XPA: variants seen among roughly 807,000 people sequenced by gnomAD.
The protein encoded by XPA is XPA, DNA damage recognition and repair factor, also known as DNA repair protein complementing XP-A cells.
XPA carries 27 observed loss-of-function variants against 35.7 expected under a neutral mutation model. The ratio of observed to expected loss-of-function variants is 0.76; its 90% CI spans 0.56 to 1.04. XPA has a LOEUF of 1.04. XPA is among the 50% of genes least tolerant of loss of function. The probability of loss-of-function intolerance (pLI) is 0.00; values close to 1 mark genes in which losing one functional copy is unlikely to be tolerated. For synonymous variants in XPA, 133 were observed against 118.4 expected (o/e 1.12, Z -0.80); for missense variants, 354 against 342.7 (o/e 1.03, Z -0.26).
At chr9:97,666,695 A>G in the XPA span, 285,008 of 1,064,390 alleles carry the variant, frequency 0.27, 42,250 homozygotes, top group Non-Finnish European at 0.31. Flanking sequence ...AAATTACAAA[A>G]GTTGAAAGAT....
downstream of XPA, among the ~76,000 whole-genome samples, chr9:97,670,725 T>G (rs767281652): frequency 3.3e-5 from 5 of 152,332 alleles, no homozygotes; most frequent in Middle Eastern, 3.4e-3. Flanking sequence ...GTCTGGCTGC[T>G]TTTTAAAAAG....
intron 5 of XPA, among the ~76,000 whole-genome samples, chr9:97,677,236 T>A: frequency 6.6e-6 from 1 of 152,210 alleles, no homozygotes; most frequent in Admixed American, 6.5e-5. Flanking sequence ...AGTAAAAGTC[T>A]GTCTGTCTAG....
the XPA span, among the ~76,000 whole-genome samples, chr9:97,661,314 A>G: frequency 5.3e-5 from 8 of 152,326 alleles, no homozygotes; most frequent in Non-Finnish European, 1.2e-4. Context: ...GTTACCATTC[A>G]AGGATTTTTA....
chr9:97,685,249 C>T (rs143412116), intron 4 of XPA, among the ~76,000 whole-genome samples: 33 of 152,190 alleles, frequency 2.2e-4, no homozygotes, highest in Non-Finnish European at 3.4e-4. Context: ...TGTCAGTAAA[C>T]GTATGCTGAA....
the XPA span, among the ~76,000 whole-genome samples, chr9:97,659,848 G>T: frequency 6.6e-6 from 1 of 152,156 alleles, no homozygotes; most frequent in Non-Finnish European, 1.5e-5. Context: ...CATAACCATT[G>T]TTCCTACTTT....
At chr9:97,680,526 G>A (rs1050153622) in intron 5 of XPA, among the ~76,000 whole-genome samples, 1 of 152,116 alleles carries the variant, frequency 6.6e-6, no homozygotes, top group Non-Finnish European at 1.5e-5. Flanking sequence ...GCTCCCAGTC[G>A]AATGCCATTG....
chr9:97,693,733 T>A lies in XPA; in HGVS notation c.199A>T (p.Lys67Ter). ...AAGCCTCCTCCTGTGTCAATTATCT[T>A]TGGGGCTGCTTTTACATTAGCCATG... ...GGMANVKAAPKIIDTGGGFIL... is the reference protein window; with the variant it reads ...GGMANVKAAP The change falls in exon 2 of 6, where the codon AAG becomes TAG. Residue 67 changes from lysine (K) to a stop codon, truncating the protein, a stop_gained. Transcript: ENST00000375128. LOFTEE classifies it high-confidence loss of function. The A allele has an allele frequency of 1.9e-6, 3 of 1,613,312 alleles. No individual in the cohort carries two copies. Among genetic ancestry groups the A allele is most frequent in the Non-Finnish European group, 2.5e-6 (3 of 1,179,936 alleles).
At chr9:97,660,974 C>G in the XPA span, 1 of 1,612,264 alleles carries the variant, frequency 6.2e-7, no homozygotes, top group Admixed American at 1.7e-5. Flanking sequence ...CTGTTGCCCT[C>G]TGTTTAGCTG....
chr9:97,659,599 G>T, the XPA span, among the ~76,000 whole-genome samples: 2 of 152,198 alleles, frequency 1.3e-5, no homozygotes, highest in African/African-American at 4.8e-5. Flanking sequence ...CTTTTGAGTG[G>T]TGGAGCCCAA....
chr9:97,680,388 T>A lies in XPA; in HGVS notation c.673+4535A>T, dbSNP rs540647799. ...CATGCCCAGCTAATTTTTGTATTTG[T>A]AGTAGAGACAAGATTTCACCATGTT... is the stretch of plus-strand genomic sequence containing the variant. On this transcript the variant is annotated intron_variant, in intron 5 of 5. Coordinates refer to ENST00000375128, the MANE Select transcript of XPA (RefSeq NM_000380.4). 1.5e-3 allele frequency among the ~76,000 whole-genome samples: 234 copies of A among 152,240 alleles called. 1 individual carries two copies. Among genetic ancestry groups the A allele is most frequent in the African/African-American group, 5.5e-3 (227 of 41,554 alleles).
At chr9:97,683,614 A>G (rs1828613469) in intron 5 of XPA, among the ~76,000 whole-genome samples, 1 of 152,238 alleles carries the variant, frequency 6.6e-6, no homozygotes, top group Non-Finnish European at 1.5e-5. Context: ...TTAGGATAGA[A>G]AAGAACAGGA....
chr9:97,684,971 C>G lies in XPA; in HGVS notation c.625G>C (p.Glu209Gln). The part of the protein sequence containing the change: ...ALEEAKEVRQ[E>Q]NREKMKQKKF... ...TTCTGTTTCATTTTTTCTCGGTTTT[C>G]CTGTCGGACTTCCTTTGCTTCTTCT... The change falls in exon 5 of 6, where the codon GAA (glutamate) becomes CAA (glutamine). Residue 209 changes from glutamate (E) to glutamine (Q), a missense_variant. By Grantham distance (29) the Glu-to-Gln change is conservative. Coordinates refer to ENST00000375128, the MANE Select transcript of XPA (RefSeq NM_000380.4). The G allele has an allele frequency of 6.2e-7, 1 of 1,613,500 alleles. No individual in the cohort carries two copies. Among genetic ancestry groups the G allele is most frequent in the Non-Finnish European group, 8.5e-7 (1 of 1,179,714 alleles).
At chr9:97,660,141 T>A in the XPA span, among the ~76,000 whole-genome samples, 1 of 152,246 alleles carries the variant, frequency 6.6e-6, no homozygotes, top group Admixed American at 6.5e-5. Flanking sequence ...GATTCTGTTT[T>A]TCTTCGCCTT....
chr9:97,660,836 T>C, the XPA span: 1 of 1,274,662 alleles, frequency 7.8e-7, no homozygotes, highest in Non-Finnish European at 1.1e-6. Context: ...AAGAGCATCC[T>C]ATTTTGAAAG....
chr9:97,667,598 A>G, the XPA span, among the ~76,000 whole-genome samples: 1 of 152,208 alleles, frequency 6.6e-6, no homozygotes, highest in Admixed American at 6.5e-5. Flanking sequence ...GTTAAGTAAC[A>G]TAGCTAGTAG....
At chr9:97,693,561 G>T in intron 2 of XPA, 88 bp downstream of exon 2, 1 of 1,141,610 alleles carries the variant, frequency 8.8e-7, no homozygotes, top group Non-Finnish European at 1.3e-6. Flanking sequence ...AAGTAGTTAT[G>T]GCATTATTTA....
At chr9:97,680,507 T>C (rs1828506697) in intron 5 of XPA, among the ~76,000 whole-genome samples, 1 of 152,194 alleles carries the variant, frequency 6.6e-6, no homozygotes, top group Admixed American at 6.5e-5. Context: ...ATTACAGGCA[T>C]AAGCCACTGC....
chr9:97,665,528 C>G, the XPA span, among the ~76,000 whole-genome samples: 1 of 152,200 alleles, frequency 6.6e-6, no homozygotes, highest in African/African-American at 2.4e-5. Context: ...TAACACCTAG[C>G]TCAAATATTT....
downstream of XPA, chr9:97,673,332 A>G (rs1828253938): frequency 6.6e-6 from 1 of 152,178 alleles, no homozygotes; most frequent in Non-Finnish European, 1.5e-5. Context: ...TCCTGTCTCA[A>G]AAAACCAAAG....
Sources: gnomAD v4.1 joint callset for allele counts (sites outside exome capture counted in the v4.1 genomes callset) on GRCh38, gnomAD v4.1.1 for gene constraint, MANE v1.5 for transcripts, NCBI Gene and HGNC (gene_info 2026-07-23, HGNC 2026-07-21) for gene names.